The following CABLES1 variants were observed in gnomAD, a reference collection of about 807,000 sequenced individuals.
The protein encoded by CABLES1 is Cdk5 and Abl enzyme substrate 1, also known as CDK5 and ABL1 enzyme substrate 1.
In CABLES1, 36 loss-of-function variants were observed where a neutral mutation model predicts 57.8. That is an observed-to-expected ratio of 0.62 (90% CI 0.48 to 0.82). CABLES1 has a LOEUF of 0.82. CABLES1 is among the 40% of genes least tolerant of loss of function. CABLES1 has a pLI of 0.00. For synonymous variants in CABLES1, 374 were observed against 363.0 expected (o/e 1.03, Z -0.35); for missense variants, 767 against 836.6 (o/e 0.92, Z 1.03).
At chr18:23,251,423 C>G (rs543373496) in intron 7 of CABLES1, among the ~76,000 whole-genome samples, 1 of 152,212 alleles carries the variant, frequency 6.6e-6, no homozygotes, top group South Asian at 2.1e-4. Flanking sequence ...TGTACTCCAG[C>G]TTGGGCAACA....
chr18:23,151,342 C>T (rs2046929363), intron 1 of CABLES1, among the ~76,000 whole-genome samples: 1 of 152,088 alleles, frequency 6.6e-6, no homozygotes, highest in Non-Finnish European at 1.5e-5. Context: ...TTTAAGGTCC[C>T]GCTAACTGCC....
At chr18:23,226,729 A>G (rs555493936) in intron 4 of CABLES1, among the ~76,000 whole-genome samples, 1 of 152,278 alleles carries the variant, frequency 6.6e-6, no homozygotes, top group African/African-American at 2.4e-5. Flanking sequence ...CCCTATGCAT[A>G]AGGGAACCGA....
chr18:23,253,093 C>A, intron 8 of CABLES1, 27 bp downstream of exon 8: 1 of 1,314,080 alleles, frequency 7.6e-7, no homozygotes, highest in Non-Finnish European at 1.1e-6. Flanking sequence ...TTGCCTGTGA[C>A]CTTTCCCTGC....
chr18:23,168,965 A>G (rs1195391546), intron 1 of CABLES1, among the ~76,000 whole-genome samples: 1 of 152,220 alleles, frequency 6.6e-6, no homozygotes, highest in Non-Finnish European at 1.5e-5. Flanking sequence ...TGGTTAAGGC[A>G]TTCTAAATCA....
chr18:23,187,487 C>T (rs184546550), intron 1 of CABLES1, among the ~76,000 whole-genome samples: 337 of 152,270 alleles, frequency 2.2e-3, no homozygotes, highest in African/African-American at 7.5e-3. Context: ...CCCGGGTTCA[C>T]GCCATTCTCC....
chr18:23,159,479 C>T (rs1438294012), intron 1 of CABLES1, among the ~76,000 whole-genome samples: 3 of 152,230 alleles, frequency 2.0e-5, no homozygotes, highest in Non-Finnish European at 4.4e-5. Flanking sequence ...GAGAGAAAGG[C>T]ACCTTTCCTA....
intron 1 of CABLES1, among the ~76,000 whole-genome samples, chr18:23,167,640 C>T (rs1210892055): frequency 1.3e-5 from 2 of 151,652 alleles, no homozygotes; most frequent in Admixed American, 6.6e-5. Flanking sequence ...ACCTAGGGAG[C>T]TCTAAATCAA....
chr18:23,169,830 A>G (rs963765002), intron 1 of CABLES1, among the ~76,000 whole-genome samples: 1 of 152,112 alleles, frequency 6.6e-6, no homozygotes, highest in Non-Finnish European at 1.5e-5. Flanking sequence ...AGGGGTCTGA[A>G]GTGGTGTGTG....
At chr18:23,164,972 C>T (rs1313859080) in intron 1 of CABLES1, among the ~76,000 whole-genome samples, 3 of 152,016 alleles carry the variant, frequency 2.0e-5, no homozygotes, top group African/African-American at 7.3e-5. Context: ...AGGGTTTTAC[C>T]ATGCTGGCCA....
intron 9 of CABLES1, among the ~76,000 whole-genome samples, chr18:23,256,007 C>T (rs557725776): frequency 6.6e-6 from 1 of 152,306 alleles, no homozygotes; most frequent in South Asian, 2.1e-4. Context: ...ACAAAATGCC[C>T]TTGGCCTTCC....
chr18:23,221,786 G>T (rs751935752), intron 4 of CABLES1, among the ~76,000 whole-genome samples: 1 of 152,098 alleles, frequency 6.6e-6, no homozygotes, highest in Non-Finnish European at 1.5e-5. Context: ...AGTTACCTGG[G>T]TATCATGAGC....
intron 1 of CABLES1, among the ~76,000 whole-genome samples, chr18:23,167,390 G>A (rs1011672690): frequency 6.6e-6 from 1 of 152,034 alleles, no homozygotes; most frequent in Non-Finnish European, 1.5e-5. Flanking sequence ...GGAAATTCAA[G>A]GTCTGTTTCA....
chr18:23,165,667 A>G lies in CABLES1; in HGVS notation c.846-23171A>G, dbSNP rs548620133. On this transcript the variant is annotated intron_variant, in intron 1 of 9. Transcript: ENST00000256925. ...TTTCACTTAGCATAATGTCCTTCAT[A>G]TGGTAGCACACATCTGAATGTCCTT... 2.6e-4 allele frequency among the ~76,000 whole-genome samples: 40 copies of G among 152,314 alleles called. 1 individual carries two copies. In the South Asian group the frequency reaches 8.3e-3, roughly 32 times the overall value.
intron 7 of CABLES1, among the ~76,000 whole-genome samples, chr18:23,237,502 C>T (rs1289974751): frequency 1.3e-5 from 2 of 152,242 alleles, no homozygotes; most frequent in Non-Finnish European, 2.9e-5. Context: ...GGGACCCTCT[C>T]CTCTGAAGGG....
At position 23,243,156 on chromosome 18, in the gene CABLES1, A is replaced by C. The variant is rs139885694; in HGVS notation, c.1446+5911A>C. On this transcript the variant is annotated intron_variant, in intron 7 of 9. Transcript: ENST00000256925. Reference sequence around the variant, plus strand: ...ATTTAGGCACTTGTTACCTGTCTGCAGGGTGGATTTGTTGGGAAGCTAATG... The same window carrying C: ...ATTTAGGCACTTGTTACCTGTCTGCCGGGTGGATTTGTTGGGAAGCTAATG... Among the ~76,000 whole-genome samples the C allele has an allele frequency of 4.4e-4, 67 of 152,082 alleles. No individual in the cohort carries two copies. In the East Asian group the frequency reaches 0.012, roughly 28 times the overall value.
At chr18:23,216,325 G>A (rs902402674) in intron 4 of CABLES1, among the ~76,000 whole-genome samples, 1 of 152,196 alleles carries the variant, frequency 6.6e-6, no homozygotes, top group African/African-American at 2.4e-5. Context: ...TTAATCCCCA[G>A]TCTGTTCAGC....
intron 3 of CABLES1, among the ~76,000 whole-genome samples, chr18:23,202,584 GCCA>G (rs2047333113): frequency 6.6e-6 from 1 of 152,232 alleles, no homozygotes; most frequent in Non-Finnish European, 1.5e-5. Context: ...TCAGTTCCCA[GCCA>G]TTAGATACAC....
upstream of CABLES1, among the ~76,000 whole-genome samples, chr18:23,135,131 G>C (rs1031690176): frequency 1.3e-5 from 2 of 152,142 alleles, no homozygotes; most frequent in African/African-American, 2.4e-5. Flanking sequence ...TAACCCACCG[G>C]GTTCTGCTCG....
chr18:23,135,154 C>T (rs2046808117), upstream of CABLES1, among the ~76,000 whole-genome samples: 1 of 151,210 alleles, frequency 6.6e-6, no homozygotes, highest in Non-Finnish European at 1.5e-5. Flanking sequence ...CACCCAATTC[C>T]CAGTGCGAGC....
Sources: gnomAD v4.1 joint callset for allele counts (sites outside exome capture counted in the v4.1 genomes callset) on GRCh38, gnomAD v4.1.1 for gene constraint, MANE v1.5 for transcripts, NCBI Gene and HGNC (gene_info 2026-07-23, HGNC 2026-07-21) for gene names.